Variants in SMOC2 observed in about 807,000 individuals in gnomAD.
SMOC2 encodes SPARC-related modular calcium-binding protein 2.
In SMOC2, 39 loss-of-function variants were observed where a neutral mutation model predicts 61.4. That is an observed-to-expected ratio of 0.64 (90% CI 0.49 to 0.83). The LOEUF is 0.83. SMOC2 is among the 40% of genes least tolerant of loss of function. The pLI, the probability that SMOC2 is intolerant of heterozygous loss-of-function variation, is 0.00. For missense variants in SMOC2, 556 were observed against 592.9 expected, an observed-to-expected ratio of 0.94 and a Z score of 0.65; for synonymous variants, 247 against 239.9, an observed-to-expected ratio of 1.03 and a Z score of -0.27.
chr6:168,634,033 T>G (rs1025197738), intron 9 of SMOC2, among the ~76,000 whole-genome samples: 1 of 152,192 alleles, frequency 6.6e-6, no homozygotes, highest in Non-Finnish European at 1.5e-5. Flanking sequence ...CATGTTTGCT[T>G]CCCCTTCTGC....
At chr6:168,574,706 C>G (rs1289044631) in intron 7 of SMOC2, among the ~76,000 whole-genome samples, 1 of 152,056 alleles carries the variant, frequency 6.6e-6, no homozygotes, top group Non-Finnish European at 1.5e-5. Flanking sequence ...GAGGTGCAGA[C>G]CCATCCCGAA....
chr6:168,510,071 C>A lies in SMOC2; in HGVS notation c.241C>A (p.Arg81=). Residue 81 remains arginine (R), a synonymous_variant, in exon 2 of 13, where the codon CGA becomes AGA. Transcript: ENST00000356284. ...AGATCCCCAGCTAGAGATTGCATAT[C>A]GAGGAAACTGCAAAGGTAAGCTGCT... ...CKDPQLEIAY[R]GNCKDVSRCV... is the part of the protein sequence containing the mutation. The A allele has an allele frequency of 6.2e-7, 1 of 1,614,028 alleles. No individual in the cohort carries two copies. The highest frequency in any genetic ancestry group is 8.5e-7 in the Non-Finnish European group (1 of 1,179,926).
chr6:168,502,823 G>T (rs764776077), intron 1 of SMOC2, among the ~76,000 whole-genome samples: 1 of 151,972 alleles, frequency 6.6e-6, no homozygotes, highest in Non-Finnish European at 1.5e-5. Flanking sequence ...CTGGAGTGCA[G>T]TGGCACAATC....
chr6:168,608,032 T>C, intron 8 of SMOC2, 125 bp from the exon 9 acceptor site: 1 of 798,970 alleles, frequency 1.3e-6, no homozygotes, highest in South Asian at 1.8e-5. Flanking sequence ...ATGGGTGTCA[T>C]AGCATCAGAG....
chr6:168,473,905 A>G (rs1782021954), intron 1 of SMOC2, among the ~76,000 whole-genome samples: 1 of 152,058 alleles, frequency 6.6e-6, no homozygotes, highest in Non-Finnish European at 1.5e-5. Flanking sequence ...GCTGCAAATT[A>G]ATGGGATCTG....
intron 4 of SMOC2, among the ~76,000 whole-genome samples, chr6:168,532,198 C>T (rs940823806): frequency 1.3e-5 from 2 of 152,104 alleles, no homozygotes; most frequent in African/African-American, 4.8e-5. Flanking sequence ...CAGGGCCCTG[C>T]TGATGTCGAC....
chr6:168,506,708 C>T (rs143522949), intron 1 of SMOC2, among the ~76,000 whole-genome samples: 2 of 152,188 alleles, frequency 1.3e-5, no homozygotes, highest in South Asian at 2.1e-4. Flanking sequence ...AGCACTGCTT[C>T]GTGGAAATCA....
chr6:168,617,775 T>C (rs994847988), intron 9 of SMOC2, among the ~76,000 whole-genome samples: 2 of 152,244 alleles, frequency 1.3e-5, no homozygotes, highest in Non-Finnish European at 2.9e-5. Context: ...TGTGAACTGC[T>C]TGTTGTGACC....
chr6:168,456,862 C>T (rs572236256), intron 1 of SMOC2, among the ~76,000 whole-genome samples: 147 of 152,252 alleles, frequency 9.7e-4, no homozygotes, highest in Admixed American at 2.5e-3. Context: ...ATGTGGGCAA[C>T]GGGTGGGTCG....
rs144210672 is a variant in SMOC2 at position 168,554,016 on chromosome 6, C to G, written c.637+4813C>G. Among the ~76,000 whole-genome samples the G allele has an allele frequency of 3.8e-3, 566 of 148,190 alleles. 20 individuals are homozygous for G. The highest frequency in any genetic ancestry group is 0.014 in the African/African-American group (530 of 39,040). On this transcript the variant is annotated intron_variant, in intron 7 of 12. Coordinates refer to ENST00000356284, the MANE Select transcript of SMOC2 (RefSeq NM_001166412.2). ...TCCATGGGACGAGTCGGTTAAAACT[C>G]GCGTTTGAACTGCATGTGCACGGTG...
At chr6:168,479,454 C>T (rs1782160762) in intron 1 of SMOC2, among the ~76,000 whole-genome samples, 1 of 152,150 alleles carries the variant, frequency 6.6e-6, no homozygotes, top group African/African-American at 2.4e-5. Flanking sequence ...AATCTGTATT[C>T]CCACCTAGAT....
chr6:168,467,136 A>ACACACAC (rs1781853992), intron 1 of SMOC2, among the ~76,000 whole-genome samples: 6 of 133,336 alleles, frequency 4.5e-5, no homozygotes, highest in East Asian at 2.3e-4. Context: ...AGTGCTCTCA[A>ACACACAC]ACACACACAC....
At chr6:168,603,630 G>A (rs571062278) in intron 8 of SMOC2, among the ~76,000 whole-genome samples, 29 of 152,150 alleles carry the variant, frequency 1.9e-4, no homozygotes, top group African/African-American at 6.5e-4. Context: ...GCATGATAAT[G>A]GGAAGATGCA....
In SMOC2 at chr6:168,666,509, C is replaced by G; in HGVS notation, c.*71C>G. 6.5e-7 allele frequency: 1 copy of G among 1,527,570 alleles called. No homozygotes were observed. Among genetic ancestry groups the G allele is most frequent in the Non-Finnish European group, 9.1e-7 (1 of 1,104,828 alleles). The allele number at this position is 1,527,570 out of a possible 1,614,324, so 94.6% of individuals were successfully genotyped here. A position where few individuals can be genotyped will look rare whatever the true frequency, so the allele number is the denominator to read the frequency against. On this transcript the variant is annotated 3_prime_UTR_variant, in exon 13 of 13. Coordinates refer to ENST00000356284, the MANE Select transcript of SMOC2 (RefSeq NM_001166412.2). The stretch of plus-strand genomic sequence containing the variant: ...CCTCACCAAAGAGCAATTAAGAAAA[C>G]AAAAACAGAAACACATAGTATTTGC...
intron 7 of SMOC2, among the ~76,000 whole-genome samples, chr6:168,587,504 A>C (rs1455249596): frequency 6.6e-6 from 1 of 152,210 alleles, no homozygotes; most frequent in East Asian, 1.9e-4. Flanking sequence ...CAACTTCTTA[A>C]GCAGATATGA....
At chr6:168,643,656 G>A (rs115374763) in intron 9 of SMOC2, among the ~76,000 whole-genome samples, 2,949 of 152,270 alleles carry the variant, frequency 0.019, 107 homozygotes, top group African/African-American at 0.067. Context: ...GTGGGGCAGC[G>A]GGGAGAGCTC....
intron 10 of SMOC2, among the ~76,000 whole-genome samples, chr6:168,651,873 C>T (rs1315588567): frequency 1.3e-5 from 2 of 151,868 alleles, no homozygotes; most frequent in African/African-American, 4.8e-5. Flanking sequence ...AAAACCCATC[C>T]CTACTAAAAA....
intron 1 of SMOC2, among the ~76,000 whole-genome samples, chr6:168,442,527 T>A (rs1476154398): frequency 6.6e-6 from 1 of 152,270 alleles, no homozygotes; most frequent in Non-Finnish European, 1.5e-5. Flanking sequence ...AAATGTGTTT[T>A]TGAACAAGTG....
At chr6:168,551,158 C>T (rs948656394) in intron 7 of SMOC2, among the ~76,000 whole-genome samples, 5 of 152,172 alleles carry the variant, frequency 3.3e-5, no homozygotes, top group Non-Finnish European at 7.3e-5. Flanking sequence ...ACTTCTCCTT[C>T]CTGCTGGCTT....
Sources: allele counts gnomAD v4.1 joint callset (sites outside exome capture counted in the v4.1 genomes callset), GRCh38; gene constraint gnomAD v4.1.1; transcripts MANE v1.5; gene names NCBI Gene and HGNC (gene_info 2026-07-23, HGNC 2026-07-21).